IQCM: variants seen among roughly 807,000 people sequenced by gnomAD.
The protein encoded by IQCM is IQ domain-containing protein M.
A neutral mutation model predicts 57.6 loss-of-function variants in IQCM; 45 were observed. That is an observed-to-expected ratio of 0.78 (90% confidence interval 0.62 to 1.00). IQCM has a LOEUF of 1.00. Ranked by LOEUF, IQCM falls within the 50% of genes least tolerant of loss-of-function variation. IQCM has a pLI of 0.00. For missense variants in IQCM, 468 were observed against 511.6 expected, an observed-to-expected ratio of 0.91 and a Z score of 0.82; for synonymous variants, 148 against 158.9, an observed-to-expected ratio of 0.93 and a Z score of 0.51.
chr4:149,667,336 G>A (rs150873458), intron 7 of IQCM, among the ~76,000 whole-genome samples: 712 of 152,176 alleles, frequency 4.7e-3, no homozygotes, highest in Middle Eastern at 0.017. Flanking sequence ...GCAGAAGAGG[G>A]GCCTGACTGT....
intron 9 of IQCM, among the ~76,000 whole-genome samples, chr4:149,582,867 G>T (rs1332390237): frequency 6.6e-6 from 1 of 151,396 alleles, no homozygotes; most frequent in Non-Finnish European, 1.5e-5. Context: ...GTTTTTAGGT[G>T]AGAAATTTTA....
intron 13 of IQCM, among the ~76,000 whole-genome samples, chr4:149,354,174 C>T (rs1454428945): frequency 6.6e-6 from 1 of 150,426 alleles, no homozygotes; most frequent in Non-Finnish European, 1.5e-5. Flanking sequence ...ACCATCCCGG[C>T]TAAAACGGTG....
intron 13 of IQCM, among the ~76,000 whole-genome samples, chr4:149,418,221 A>G (rs555870149): frequency 6.6e-6 from 1 of 151,998 alleles, no homozygotes; most frequent in Non-Finnish European, 1.5e-5. Flanking sequence ...TAAAGAAGAG[A>G]GAAGAATCAA....
intron 7 of IQCM, among the ~76,000 whole-genome samples, chr4:149,664,676 T>C (rs1407461999): frequency 1.3e-5 from 2 of 152,144 alleles, no homozygotes; most frequent in African/African-American, 2.4e-5. Flanking sequence ...CCAAGCATGT[T>C]TACTCATAAC....
intron 12 of IQCM, among the ~76,000 whole-genome samples, chr4:149,459,799 A>G (rs749301169): frequency 1.6e-4 from 24 of 152,206 alleles, no homozygotes; most frequent in Non-Finnish European, 3.1e-4. Flanking sequence ...ATATCCCATT[A>G]TATGTATATA....
At chr4:149,725,628 T>C (rs1765821993) in intron 5 of IQCM, among the ~76,000 whole-genome samples, 1 of 152,016 alleles carries the variant, frequency 6.6e-6, no homozygotes, top group South Asian at 2.1e-4. Context: ...CCCTCTTACA[T>C]TGTCCACCCC....
intron 12 of IQCM, among the ~76,000 whole-genome samples, 196 bp downstream of exon 12, chr4:149,548,259 C>G (rs1748657162): frequency 6.6e-6 from 1 of 152,150 alleles, no homozygotes; most frequent in Admixed American, 6.5e-5. Flanking sequence ...TTTTAACCTA[C>G]TTTTCAAATA....
At chr4:149,577,071 C>G (rs541979938) in intron 9 of IQCM, among the ~76,000 whole-genome samples, 2 of 151,960 alleles carry the variant, frequency 1.3e-5, no homozygotes, top group Admixed American at 6.6e-5. Flanking sequence ...CCTTTGCCCA[C>G]TTTTTAATGG....
chr4:149,560,512 C>T (rs1488821739), intron 10 of IQCM, among the ~76,000 whole-genome samples: 3 of 152,098 alleles, frequency 2.0e-5, no homozygotes, highest in Non-Finnish European at 4.4e-5. Flanking sequence ...CATCGAGGGA[C>T]ATACCCTGTT....
intron 8 of IQCM, among the ~76,000 whole-genome samples, chr4:149,608,164 A>T (rs1203722743): frequency 1.3e-5 from 2 of 151,972 alleles, no homozygotes; most frequent in Non-Finnish European, 2.9e-5. Context: ...AAAAAGGAAC[A>T]AAGAAGGTTA....
Position 149,770,814 on chromosome 4 carries a change from G to A in IQCM, c.-48-28075C>T, listed in dbSNP as rs147192350. Among the ~76,000 whole-genome samples, 5 of 152,104 alleles carry A rather than the reference G, an allele frequency of 3.3e-5. No individual in the cohort carries two copies. In the East Asian group the frequency reaches 9.6e-4, roughly 29 times the overall value. ...AGCACCTATGAAAAACCTACAGCTA[G>A]TATCATACTTAAATTAACAGTGTAA... is the stretch of plus-strand genomic sequence containing the variant. On this transcript the variant is annotated intron_variant, in intron 2 of 13. Coordinates refer to ENST00000636793, the MANE Select transcript of IQCM (RefSeq NM_001363507.2).
intron 13 of IQCM, among the ~76,000 whole-genome samples, chr4:149,355,691 T>C (rs370620224): frequency 2.0e-5 from 3 of 152,108 alleles, no homozygotes; most frequent in South Asian, 4.2e-4. Context: ...GTGAATAGTG[T>C]CGCAATAAAC....
chr4:149,358,879 G>GATATACTCTCATGAGTAT (rs1427812018), intron 13 of IQCM, among the ~76,000 whole-genome samples: 3 of 151,980 alleles, frequency 2.0e-5, no homozygotes, highest in Non-Finnish European at 4.4e-5. Flanking sequence ...AGTATATCAT[G>GATATACTCTCATGAGTAT]AGACCACAGT....
intron 2 of IQCM, among the ~76,000 whole-genome samples, chr4:149,746,182 C>T (rs1165252129): frequency 6.6e-6 from 1 of 152,108 alleles, no homozygotes; most frequent in African/African-American, 2.4e-5. Context: ...TCCCCACTGT[C>T]CCTCCACCTC....
intron 5 of IQCM, among the ~76,000 whole-genome samples, chr4:149,729,273 G>A (rs1766239966): frequency 6.6e-6 from 1 of 152,130 alleles, no homozygotes; most frequent in Admixed American, 6.5e-5. Flanking sequence ...CTCCTTGGAG[G>A]TTGTACGGCT....
intron 12 of IQCM, among the ~76,000 whole-genome samples, chr4:149,446,985 T>C (rs1503713): frequency 0.16 from 23,508 of 151,478 alleles, 2,182 homozygotes; most frequent in South Asian, 0.33. Flanking sequence ...TGTTAGGTAA[T>C]AGGGATAAAA....
intron 9 of IQCM, among the ~76,000 whole-genome samples, chr4:149,569,659 T>G (rs1336683618): frequency 6.6e-6 from 1 of 152,162 alleles, no homozygotes; most frequent in African/African-American, 2.4e-5. Context: ...ATGCATTTTC[T>G]TAACAATTTA....
In IQCM at chr4:149,783,507, A is replaced by G. The variant is rs185041139; in HGVS notation, c.-49+31804T>C. 3.3e-5 allele frequency among the ~76,000 whole-genome samples: 5 copies of G among 152,328 alleles called. No homozygotes were observed. In the East Asian group the frequency reaches 9.6e-4, roughly 29 times the overall value. ...GGATATTCTTCATATAGCAACAAGA[A>G]TAATCATTTAATATCAAAATTCAGA... On this transcript the variant is annotated intron_variant, in intron 2 of 13. Coordinates refer to ENST00000636793, the MANE Select transcript of IQCM (RefSeq NM_001363507.2).
intron 7 of IQCM, among the ~76,000 whole-genome samples, chr4:149,645,935 C>T (rs949859252): frequency 1.3e-5 from 2 of 152,196 alleles, no homozygotes; most frequent in African/African-American, 4.8e-5. Flanking sequence ...CACCTGCATG[C>T]CTGTGTACCT....
Sources: gnomAD v4.1 joint callset for allele counts (sites outside exome capture counted in the v4.1 genomes callset) on GRCh38, gnomAD v4.1.1 for gene constraint, MANE v1.5 for transcripts, NCBI Gene and HGNC (gene_info 2026-07-23, HGNC 2026-07-21) for gene names.